AGFG1: variants seen among roughly 807,000 people sequenced by gnomAD.
AGFG1 encodes the protein arf-GAP domain and FG repeat-containing protein 1.
AGFG1 carries 10 observed loss-of-function variants against 60.6 expected under a neutral mutation model. The ratio of observed to expected loss-of-function variants is 0.16; its 90% CI spans 0.10 to 0.28. AGFG1 has a LOEUF of 0.28. Among genes scored for constraint, AGFG1 ranks in the 10% least tolerant of loss-of-function variants. AGFG1 has a pLI of 1.00. For missense variants in AGFG1, 537 were observed against 676.5 expected (o/e 0.79, Z 2.29); for synonymous variants, 247 against 242.9 (o/e 1.02, Z -0.16).
intron 2 of AGFG1, among the ~76,000 whole-genome samples, chr2:227,500,257 A>T (rs537478948): frequency 6.6e-6 from 1 of 152,132 alleles, no homozygotes; most frequent in South Asian, 2.1e-4. Context: ...CTGGACCATG[A>T]CTCCCACTAC....
intron 2 of AGFG1, among the ~76,000 whole-genome samples, chr2:227,498,086 T>C (rs1691038088): frequency 6.6e-6 from 1 of 152,260 alleles, no homozygotes; most frequent in Middle Eastern, 3.4e-3. Context: ...GGAAAACATT[T>C]TGAAAATTGA....
At chr2:227,481,918 T>C (rs922685016) in intron 1 of AGFG1, among the ~76,000 whole-genome samples, 3 of 146,056 alleles carry the variant, frequency 2.1e-5, no homozygotes, top group African/African-American at 5.1e-5. Flanking sequence ...CAGGTTGGAG[T>C]GCAGGGGCGC....
chr2:227,496,450 A>AT (rs1436003718), intron 2 of AGFG1, among the ~76,000 whole-genome samples: 8 of 151,572 alleles, frequency 5.3e-5, no homozygotes, highest in Non-Finnish European at 7.4e-5. Flanking sequence ...TCAAAAAAAA[A>AT]AAATAAATAA....
At chr2:227,490,453 C>T (rs1690775976) in intron 1 of AGFG1, among the ~76,000 whole-genome samples, 1 of 151,904 alleles carries the variant, frequency 6.6e-6, no homozygotes, top group Non-Finnish European at 1.5e-5. Flanking sequence ...TGGCGGGTAC[C>T]TGTAGTCCCA....
chr2:227,519,504 T>C (rs1691765806), intron 2 of AGFG1, among the ~76,000 whole-genome samples: 1 of 152,188 alleles, frequency 6.6e-6, no homozygotes, highest in Admixed American at 6.5e-5. Flanking sequence ...TGTGTTTGCC[T>C]TATATTTGTG....
At chr2:227,474,138 C>T (rs1175844383) in intron 1 of AGFG1, among the ~76,000 whole-genome samples, 3 of 152,086 alleles carry the variant, frequency 2.0e-5, no homozygotes, top group Admixed American at 6.6e-5. Context: ...AAGGAGGTAG[C>T]CTGGTTCATG....
chr2:227,555,380 T>C lies in AGFG1; in HGVS notation c.*885T>C, dbSNP rs1692944336. On this transcript the variant is annotated 3_prime_UTR_variant, in exon 13 of 13. Transcript: ENST00000310078. ...GCTTATTAATTTTGTGAAATTTGTA[T>C]ATATGAAGAATTTGCATGTATGTGT... The C allele has an allele frequency of 6.6e-6, 1 of 152,612 alleles. No homozygotes were observed. Among genetic ancestry groups the C allele is most frequent in the Admixed American group, 6.5e-5 (1 of 15,286 alleles). 9.5% of individuals were successfully genotyped at this position (152,612 alleles called of 1,614,324 possible).
intron 1 of AGFG1, among the ~76,000 whole-genome samples, chr2:227,489,917 G>A (rs544966423): frequency 5.9e-4 from 89 of 152,020 alleles, no homozygotes; most frequent in African/African-American, 1.9e-3. Context: ...CTGGGTTCAA[G>A]CAATTTTCAT....
chr2:227,476,204 G>A (rs1401387723), intron 1 of AGFG1, among the ~76,000 whole-genome samples: 1 of 152,114 alleles, frequency 6.6e-6, no homozygotes, highest in Non-Finnish European at 1.5e-5. Context: ...GAATGATGAA[G>A]GCATCCTAAC....
rs1559187121 is a variant in AGFG1 at position 227,524,922 on chromosome 2, G to GT, written c.694+13dup. ...CATTTCAACAGTCATGCAGGTAAGT[G>GT]TTTTTTCCCAACAGCTTTTGCTGGG... On this transcript the variant is annotated splice_region_variant and intron_variant, in intron 5 of 12. Coordinates refer to ENST00000310078, the MANE Select transcript of AGFG1 (RefSeq NM_004504.5). 6.2e-7 allele frequency: 1 copy of GT among 1,613,492 alleles called. No homozygotes were observed. Among genetic ancestry groups the GT allele is most frequent in the Non-Finnish European group, 8.5e-7 (1 of 1,179,522 alleles).
chr2:227,529,330 C>G (rs981541970), intron 5 of AGFG1, among the ~76,000 whole-genome samples: 2 of 151,990 alleles, frequency 1.3e-5, no homozygotes, highest in Non-Finnish European at 2.9e-5. Flanking sequence ...TCCTGATATT[C>G]TTGTTAATTT....
chr2:227,521,231 A>G (rs564690201), intron 3 of AGFG1, among the ~76,000 whole-genome samples: 205 of 152,008 alleles, frequency 1.3e-3, no homozygotes, highest in African/African-American at 4.6e-3. Context: ...ACGCCTGGCT[A>G]ATTTTTTGCA....
chr2:227,519,921 C>T (rs748983488), intron 2 of AGFG1, 27 bp from the exon 3 acceptor site: 3 of 1,352,716 alleles, frequency 2.2e-6, no homozygotes, highest in East Asian at 4.9e-5. Flanking sequence ...TTGAATTTAA[C>T]ATATATTTTT....
At chr2:227,480,007 C>T (rs147833725) in intron 1 of AGFG1, among the ~76,000 whole-genome samples, 1 of 152,340 alleles carries the variant, frequency 6.6e-6, no homozygotes, top group Admixed American at 6.5e-5. Context: ...TGACACCATA[C>T]ATGTTTTGTA....
chr2:227,489,236 T>G (rs1211521659), intron 1 of AGFG1, among the ~76,000 whole-genome samples: 17 of 143,156 alleles, frequency 1.2e-4, no homozygotes, highest in African/African-American at 4.2e-4. Flanking sequence ...TTTTTTTTTT[T>G]TTTTTTTTTT....
intron 3 of AGFG1, among the ~76,000 whole-genome samples, chr2:227,521,091 G>A (rs1420056182): frequency 1.3e-5 from 2 of 151,628 alleles, no homozygotes; most frequent in East Asian, 3.9e-4. Flanking sequence ...TGGAGACTGA[G>A]TTTTGCTTTT....
chr2:227,543,640 G>C (rs1692557495), intron 10 of AGFG1, among the ~76,000 whole-genome samples: 1 of 152,184 alleles, frequency 6.6e-6, no homozygotes, highest in African/African-American at 2.4e-5. Flanking sequence ...TGTTGATTTG[G>C]GATGAAGAGT....
chr2:227,514,373 G>A (rs1055987265), intron 2 of AGFG1, among the ~76,000 whole-genome samples: 11 of 152,036 alleles, frequency 7.2e-5, no homozygotes, highest in South Asian at 2.1e-4. Context: ...CACCATGCCC[G>A]GCTTATTTTT....
intron 10 of AGFG1, among the ~76,000 whole-genome samples, chr2:227,541,946 C>A (rs1163945950): frequency 6.6e-6 from 1 of 152,152 alleles, no homozygotes; most frequent in Non-Finnish European, 1.5e-5. Flanking sequence ...GTATTTTATT[C>A]TCTTTGTAGC....
Sources: allele counts gnomAD v4.1 joint callset (sites outside exome capture counted in the v4.1 genomes callset), GRCh38; gene constraint gnomAD v4.1.1; transcripts MANE v1.5; gene names NCBI Gene and HGNC (gene_info 2026-07-23, HGNC 2026-07-21).